The following PDE7A variants were observed in gnomAD, a reference collection of about 807,000 sequenced individuals.
PDE7A encodes the protein high affinity 3',5'-cyclic-AMP phosphodiesterase 7A.
PDE7A carries 39 observed loss-of-function variants against 64.3 expected under a neutral mutation model. That is an observed-to-expected ratio of 0.61 (90% CI 0.47 to 0.79). The LOEUF is 0.79. PDE7A is among the 30% of genes least tolerant of loss of function. The probability of loss-of-function intolerance (pLI) is 0.00; values close to 1 mark genes in which losing one functional copy is unlikely to be tolerated. For missense variants in PDE7A, 470 were observed against 582.8 expected (o/e 0.81, Z 1.99); for synonymous variants, 203 against 206.8 (o/e 0.98, Z 0.16).
intron 1 of PDE7A, among the ~76,000 whole-genome samples, chr8:65,798,898 T>C (rs1809924042): frequency 1.3e-5 from 2 of 152,126 alleles, no homozygotes; most frequent in Non-Finnish European, 2.9e-5. Flanking sequence ...TACAACAGAA[T>C]ACTACTCAGC....
intron 4 of PDE7A, 37 bp downstream of exon 4, chr8:65,747,615 C>G (rs1208386846): frequency 7.1e-7 from 1 of 1,417,710 alleles, no homozygotes; most frequent in Admixed American, 1.9e-5. Flanking sequence ...GTAAACTTAT[C>G]AAAAAATTAA....
intron 3 of PDE7A, among the ~76,000 whole-genome samples, chr8:65,760,292 A>G (rs948855178): frequency 6.6e-6 from 1 of 152,224 alleles, no homozygotes; most frequent in Non-Finnish European, 1.5e-5. Flanking sequence ...AATATATGTA[A>G]CATCACTTTT....
At chr8:65,822,178 T>C (rs1489872615) in intron 1 of PDE7A, among the ~76,000 whole-genome samples, 1 of 152,154 alleles carries the variant, frequency 6.6e-6, no homozygotes, top group Non-Finnish European at 1.5e-5. Context: ...CCAGAGACCT[T>C]TGTAAAGTCT....
At chr8:65,826,919 A>G (rs1005659718) in intron 1 of PDE7A, among the ~76,000 whole-genome samples, 3 of 152,226 alleles carry the variant, frequency 2.0e-5, no homozygotes, top group African/African-American at 4.8e-5. Context: ...TGGTGGCTGC[A>G]TCACTCCAAT....
At chr8:65,766,849 G>A (rs1301002910) in intron 3 of PDE7A, among the ~76,000 whole-genome samples, 1 of 152,182 alleles carries the variant, frequency 6.6e-6, no homozygotes, top group Non-Finnish European at 1.5e-5. Flanking sequence ...GTACCTTAAT[G>A]GGTGTAATAC....
At chr8:65,818,859 C>T (rs562569714) in intron 1 of PDE7A, among the ~76,000 whole-genome samples, 1 of 152,286 alleles carries the variant, frequency 6.6e-6, no homozygotes, top group Admixed American at 6.5e-5. Flanking sequence ...ATATCCACAA[C>T]ATTACCCACC....
intron 3 of PDE7A, among the ~76,000 whole-genome samples, chr8:65,756,741 G>T (rs1435296552): frequency 6.6e-6 from 1 of 152,040 alleles, no homozygotes; most frequent in Non-Finnish European, 1.5e-5. Flanking sequence ...TCCAATGTGT[G>T]GGCTTCCTCC....
Position 65,716,900 on chromosome 8 carries a change from C to A in PDE7A, c.*2390G>T, listed in dbSNP as rs775596273. ...CCTCTACTACCCTCAGACCTCTATA[C>A]CCACACTGTCCAATATGGTAGCCAC... On this transcript the variant is annotated 3_prime_UTR_variant, in exon 13 of 13. Transcript: ENST00000401827. Among the ~76,000 whole-genome samples, 6 of 152,098 alleles carry A rather than the reference C, an allele frequency of 3.9e-5. No homozygotes were observed. Among genetic ancestry groups the A allele is most frequent in the Non-Finnish European group, 8.8e-5 (6 of 68,016 alleles).
chr8:65,830,035 T>C (rs1810775892), intron 1 of PDE7A, among the ~76,000 whole-genome samples: 1 of 152,054 alleles, frequency 6.6e-6, no homozygotes, highest in Non-Finnish European at 1.5e-5. Flanking sequence ...AGCATGTCTG[T>C]TTTCCTTTAC....
At chr8:65,726,473 A>C (rs1806616419) in intron 9 of PDE7A, among the ~76,000 whole-genome samples, 1 of 152,202 alleles carries the variant, frequency 6.6e-6, no homozygotes, top group Non-Finnish European at 1.5e-5. Context: ...CTGGGAACAG[A>C]TTTTAATGAA....
chr8:65,793,359 A>G (rs752366507), intron 1 of PDE7A, among the ~76,000 whole-genome samples: 34 of 152,218 alleles, frequency 2.2e-4, no homozygotes, highest in Non-Finnish European at 4.9e-4. Context: ...CTGAATTACA[A>G]AATTAAAAAA....
At chr8:65,786,448 A>C (rs1228171577) in intron 1 of PDE7A, among the ~76,000 whole-genome samples, 1 of 152,216 alleles carries the variant, frequency 6.6e-6, no homozygotes, top group Admixed American at 6.5e-5. Flanking sequence ...TAAAGTAGGA[A>C]GGTAGAATAA....
At chr8:65,825,911 G>A (rs1462012833) in intron 1 of PDE7A, among the ~76,000 whole-genome samples, 1 of 152,102 alleles carries the variant, frequency 6.6e-6, no homozygotes, top group Non-Finnish European at 1.5e-5. Context: ...AATTAGTGAG[G>A]TGTGTCATAA....
At chr8:65,765,488 C>CAAAAAAAAAAAAAA (rs11342419) in intron 3 of PDE7A, 1 of 44,586 alleles carries the variant, frequency 2.2e-5, no homozygotes, top group Admixed American at 3.8e-4. Flanking sequence ...GACTCCGTCT[C>CAAAAAAAAAAAAAA]AAAAAAAAAA....
chr8:65,763,565 CAA>C (rs10706103), intron 3 of PDE7A, among the ~76,000 whole-genome samples: 4 of 147,264 alleles, frequency 2.7e-5, no homozygotes, highest in Admixed American at 2.7e-4. Context: ...AACTCCGTCT[CAA>C]AAAAAAAAAG....
At chr8:65,752,818 T>C (rs1459873148) in intron 3 of PDE7A, among the ~76,000 whole-genome samples, 1 of 152,226 alleles carries the variant, frequency 6.6e-6, no homozygotes, top group Non-Finnish European at 1.5e-5. Flanking sequence ...TCTATCTCAC[T>C]TTCTCTCCAA....
chr8:65,775,260 T>C (rs1430727639), intron 3 of PDE7A, among the ~76,000 whole-genome samples: 5 of 152,244 alleles, frequency 3.3e-5, no homozygotes. Flanking sequence ...TTTATTTTAG[T>C]TTACTAGTTC....
At chr8:65,783,078 A>C (rs1334373970) in intron 1 of PDE7A, among the ~76,000 whole-genome samples, 1 of 152,218 alleles carries the variant, frequency 6.6e-6, no homozygotes, top group Non-Finnish European at 1.5e-5. Context: ...AAAGAGAGAC[A>C]CATGCAGCCT....
At chr8:65,726,766 A>G in intron 9 of PDE7A, 109 bp downstream of exon 9, 1 of 601,462 alleles carries the variant, frequency 1.7e-6, no homozygotes, top group South Asian at 2.4e-5. Flanking sequence ...ACAAACACTG[A>G]AAACTGTGGA....
Sources: allele counts gnomAD v4.1 joint callset (sites outside exome capture counted in the v4.1 genomes callset), GRCh38; gene constraint gnomAD v4.1.1; transcripts MANE v1.5; gene names NCBI Gene and HGNC (gene_info 2026-07-23, HGNC 2026-07-21).